Variants in LRRC8D observed in about 807,000 individuals in gnomAD.
The protein encoded by LRRC8D is volume-regulated anion channel subunit LRRC8D.
A neutral mutation model predicts 55.8 loss-of-function variants in LRRC8D; 20 were observed. The observed-to-expected ratio is 0.36, with a 90% CI of 0.25 to 0.52. The LOEUF (loss-of-function observed/expected upper bound fraction) is 0.52. LRRC8D is among the 20% of genes least tolerant of loss of function. LRRC8D has a pLI of 0.93. For synonymous variants in LRRC8D, 352 were observed against 377.0 expected (o/e 0.93, Z 0.77); for missense variants, 651 against 1,030.8 (o/e 0.63, Z 5.05).
chr1:89,833,785 GT>G (rs889317487), intron 1 of LRRC8D: 1 of 152,306 alleles, frequency 6.6e-6, no homozygotes, highest in Non-Finnish European at 1.5e-5. Context: ...GAGGTAGGTG[GT>G]TGGGGAAGGT....
chr1:89,885,756 ACCTGGTGTGCAAAGAGTGC>A (rs1662402182), intron 2 of LRRC8D, among the ~76,000 whole-genome samples: 1 of 152,156 alleles, frequency 6.6e-6, no homozygotes, highest in Non-Finnish European at 1.5e-5. Flanking sequence ...ATCAGTGAAG[ACCTGGTGTGCAAAGAGTGC>A]CCTGCTGTCT....
Position 89,934,379 on chromosome 1 carries a change from C to T in LRRC8D, c.1311C>T (p.Phe437=), listed in dbSNP as rs1205114174. 3.1e-6 allele frequency: 5 copies of T among 1,613,686 alleles called. No individual in the cohort carries two copies. Among genetic ancestry groups the T allele is most frequent in the Non-Finnish European group, 4.2e-6 (5 of 1,180,034 alleles). The change falls in exon 3 of 3, where the codon TTC becomes TTT. Residue 437 remains phenylalanine, a synonymous_variant. Transcript: ENST00000337338. This position sits in a 1 kb window ranked among gnomAD's most constrained non-coding sequence, Gnocchi z 5.9. ...DQLYSKRFGV[F]LSEVSENKLR... ...TATATTCCAAGCGTTTTGGTGTGTT[C>T]TTGTCAGAAGTTAGTGAAAATAAAC...
Position 89,821,085 on chromosome 1 carries a change from CTG to C in LRRC8D, c.-353_-352del, listed in dbSNP as rs1660615836. 3.9e-5 allele frequency: 6 copies of C among 153,656 alleles called. No individual in the cohort carries two copies. Among genetic ancestry groups the C allele is most frequent in the Non-Finnish European group, 7.3e-5 (5 of 68,686 alleles). 9.5% of individuals were successfully genotyped at this position (153,656 alleles called of 1,614,324 possible). A position where few individuals can be genotyped will look rare whatever the true frequency, so the allele number is the denominator to read the frequency against. On this transcript the variant is annotated 5_prime_UTR_variant, in exon 1 of 3. An upstream open reading frame in the 5' UTR loses its in-frame stop. Transcript: ENST00000337338. ...GCTGCTCCCGTCGCCGCTGCTGCCGCTGCCGCTGCCGCCGCCCGTGGTGCCCC... is the reference window on the plus strand; with the variant it reads ...GCTGCTCCCGTCGCCGCTGCTGCCGCCCGCTGCCGCCGCCCGTGGTGCCCC...
At chr1:89,882,268 G>T (rs1331475633) in intron 2 of LRRC8D, among the ~76,000 whole-genome samples, 1 of 152,204 alleles carries the variant, frequency 6.6e-6, no homozygotes, top group Non-Finnish European at 1.5e-5. Context: ...GAACACAAAG[G>T]TGAATAAGGT....
At position 89,856,910 on chromosome 1, in the gene LRRC8D, A is replaced by G. The variant is rs143012394; in HGVS notation, c.-3+13128A>G. On this transcript the variant is annotated intron_variant, in intron 2 of 2. Coordinates refer to ENST00000337338, the MANE Select transcript of LRRC8D (RefSeq NM_001134479.2). ...TACTGTGGTTTTAAGTTAACATTTCATATAATTCCATTTTATCTCCTCTTT... is the reference window on the plus strand; with the variant it reads ...TACTGTGGTTTTAAGTTAACATTTCGTATAATTCCATTTTATCTCCTCTTT... 3.1e-4 allele frequency among the ~76,000 whole-genome samples: 47 copies of G among 152,322 alleles called. No individual in the cohort carries two copies. In the East Asian group the frequency reaches 9.1e-3, roughly 29 times the overall value.
chr1:89,860,699 A>G (rs1313528806), intron 2 of LRRC8D, among the ~76,000 whole-genome samples: 1 of 132,992 alleles, frequency 7.5e-6, no homozygotes, highest in Admixed American at 8.2e-5. Context: ...TGGAGGTTGC[A>G]GTGAGCCGAG....
chr1:89,866,708 C>T (rs915504959), intron 2 of LRRC8D, among the ~76,000 whole-genome samples: 2 of 152,094 alleles, frequency 1.3e-5, no homozygotes, highest in African/African-American at 2.4e-5. Flanking sequence ...CACGAAGGCC[C>T]GATAGGCTCT....
In LRRC8D at chr1:89,935,775, A is replaced by G. The variant is rs937262748; in HGVS notation, c.*130A>G. 12 of 755,016 alleles carry G rather than the reference A, an allele frequency of 1.6e-5. No individual in the cohort carries two copies. Among genetic ancestry groups the G allele is most frequent in the African/African-American group, 8.9e-5 (5 of 56,460 alleles). 46.8% of individuals were successfully genotyped at this position (755,016 alleles called of 1,614,324 possible). ...TTTTAAAATAAAACAGAGAGGATGC[A>G]TAGAAGGCTGATAGAAGACATAACT... is the stretch of plus-strand genomic sequence containing the variant. On this transcript the variant is annotated 3_prime_UTR_variant, in exon 3 of 3. Coordinates refer to ENST00000337338, the MANE Select transcript of LRRC8D (RefSeq NM_001134479.2).
rs956483054 is a variant in LRRC8D, at chr1:89,932,531, C to T, written c.-2-536C>T. On this transcript the variant is annotated intron_variant, in intron 2 of 2. Transcript: ENST00000337338. Reference sequence around the variant, plus strand: ...GCGTTACAATCATTACTTAATTTAACCTTTCCAACAACCCTTAGAAGTTTT... The same window carrying T: ...GCGTTACAATCATTACTTAATTTAATCTTTCCAACAACCCTTAGAAGTTTT... Among the ~76,000 whole-genome samples the T allele has an allele frequency of 2.6e-5, 4 of 152,214 alleles. No individual in the cohort carries two copies. In the East Asian group the frequency reaches 7.7e-4, roughly 29 times the overall value.
In LRRC8D at chr1:89,918,045, T is replaced by C. The variant is rs78287023; in HGVS notation, c.-2-15022T>C. ...AGTGTTAACACTTGAGTATACAGTATATATTTCTTGGGTAAAGGAATAAAT... is the reference window on the plus strand; with the variant it reads ...AGTGTTAACACTTGAGTATACAGTACATATTTCTTGGGTAAAGGAATAAAT... On this transcript the variant is annotated intron_variant, in intron 2 of 2. Transcript: ENST00000337338. 4.4e-3 allele frequency among the ~76,000 whole-genome samples: 667 copies of C among 152,358 alleles called. 5 individuals carry two copies. The highest frequency in any genetic ancestry group is 0.014 in the African/African-American group (597 of 41,596).
chr1:89,822,932 A>G (rs1158611277), intron 1 of LRRC8D, among the ~76,000 whole-genome samples: 1 of 152,192 alleles, frequency 6.6e-6, no homozygotes, highest in Non-Finnish European at 1.5e-5. Flanking sequence ...GGAATCTGAG[A>G]TGAAAATTAG....
intron 2 of LRRC8D, among the ~76,000 whole-genome samples, chr1:89,931,097 A>T (rs964619882): frequency 2.3e-5 from 3 of 130,616 alleles, no homozygotes; most frequent in African/African-American, 5.9e-5. Flanking sequence ...TAACAATTTT[A>T]TGTTTGGAGT....
Position 89,825,969 on chromosome 1 carries a change from C to A in LRRC8D, c.-148+4678C>A, listed in dbSNP as rs186150614. ...GATGAGTGTCCATTGTGCCCCAATC[C>A]TTTGTTAGTGTGTTGGCTGTCCAGA... On this transcript the variant is annotated intron_variant, in intron 1 of 2. Coordinates refer to ENST00000337338, the MANE Select transcript of LRRC8D (RefSeq NM_001134479.2). Among the ~76,000 whole-genome samples, 40 of 152,306 alleles carry A rather than the reference C, an allele frequency of 2.6e-4. No homozygotes were observed. The East Asian group carries it at 7.1e-3, about 27-fold the overall frequency.
intron 2 of LRRC8D, among the ~76,000 whole-genome samples, chr1:89,877,588 G>A (rs1321472711): frequency 2.6e-5 from 4 of 152,084 alleles, no homozygotes; most frequent in Non-Finnish European, 4.4e-5. Flanking sequence ...AGAGTAATTT[G>A]TATATTAACC....
intron 2 of LRRC8D, among the ~76,000 whole-genome samples, chr1:89,899,007 GTTGGGCTTT>G (rs1297773368): frequency 3.3e-5 from 5 of 152,218 alleles, no homozygotes; most frequent in African/African-American, 1.2e-4. Flanking sequence ...AGGTGTTCCA[GTTGGGCTTT>G]TCATCTTAAA....
At chr1:89,867,304 A>G (rs989065623) in intron 2 of LRRC8D, among the ~76,000 whole-genome samples, 1 of 152,192 alleles carries the variant, frequency 6.6e-6, no homozygotes, top group Non-Finnish European at 1.5e-5. Flanking sequence ...GGCTTCTCTC[A>G]TATTTTTAAG....
intron 2 of LRRC8D, among the ~76,000 whole-genome samples, chr1:89,872,106 T>G (rs1662019605): frequency 6.6e-6 from 1 of 152,226 alleles, no homozygotes; most frequent in African/African-American, 2.4e-5. Flanking sequence ...CCTGAGAGTG[T>G]ATTCCGTCTG....
At chr1:89,834,359 A>G (rs1057224087) in intron 1 of LRRC8D, among the ~76,000 whole-genome samples, 1 of 152,202 alleles carries the variant, frequency 6.6e-6, no homozygotes, top group Admixed American at 6.5e-5. Context: ...AGTGCATTTC[A>G]GGTGGTCCAC....
At chr1:89,891,169 C>T (rs2390830) in intron 2 of LRRC8D, among the ~76,000 whole-genome samples, 20,289 of 152,194 alleles carry the variant, frequency 0.13, 1,511 homozygotes, top group Non-Finnish European at 0.17. Flanking sequence ...CGTGAGCCAC[C>T]GCGCCTGGCC....
Sources: gnomAD v4.1 joint callset for allele counts (sites outside exome capture counted in the v4.1 genomes callset) on GRCh38, gnomAD v4.1.1 for gene constraint, Gnocchi (gnomAD v3.1) non-coding constraint, MANE v1.5 for transcripts, NCBI Gene and HGNC (gene_info 2026-07-23, HGNC 2026-07-21) for gene names.